Variants in ALAS1 observed in about 807,000 individuals in gnomAD.
The protein encoded by ALAS1 is 5'-aminolevulinate synthase 1, also known as 5-aminolevulinate synthase, non-specific, mitochondrial.
A neutral mutation model predicts 59.6 loss-of-function variants in ALAS1; 29 were observed. The ratio of observed to expected loss-of-function variants is 0.49; its 90% CI spans 0.36 to 0.66. The LOEUF (loss-of-function observed/expected upper bound fraction) is 0.66, where lower values mean the gene tolerates loss of function less well. Among genes scored for constraint, ALAS1 ranks in the 30% least tolerant of loss-of-function variants. ALAS1 has a pLI of 0.00. For synonymous variants in ALAS1, 299 were observed against 296.6 expected, an observed-to-expected ratio of 1.01 and a Z score of -0.08; for missense variants, 690 against 807.5, an observed-to-expected ratio of 0.85 and a Z score of 1.76.
At chr3:52,212,201 C>T (rs1462595596) in intron 10 of ALAS1, 57 bp from the exon 11 acceptor site, 5 of 1,526,334 alleles carry the variant, frequency 3.3e-6, no homozygotes, top group Non-Finnish European at 4.5e-6. Context: ...GTTAGGATCT[C>T]TGCTAAGAGG....
intron 9 of ALAS1, among the ~76,000 whole-genome samples, chr3:52,208,708 C>G (rs184740405): frequency 6.6e-6 from 1 of 152,194 alleles, no homozygotes; most frequent in African/African-American, 2.4e-5. Context: ...GGCTATGTCT[C>G]GTGGTAGATG....
chr3:52,208,473 A>G (rs1699339804), intron 9 of ALAS1, among the ~76,000 whole-genome samples: 1 of 152,200 alleles, frequency 6.6e-6, no homozygotes, highest in African/African-American at 2.4e-5. Flanking sequence ...ATTTATTGCT[A>G]TCTGAGCTCA....
intron 2 of ALAS1, 63 bp from the exon 3 acceptor site, chr3:52,199,147 T>C: frequency 1.3e-6 from 2 of 1,526,900 alleles, no homozygotes; most frequent in African/African-American, 2.7e-5. Flanking sequence ...GACACCTGAA[T>C]CCAGTGAGCT....
chr3:52,207,039 T>A (rs1368224752), intron 8 of ALAS1, among the ~76,000 whole-genome samples: 4 of 149,470 alleles, frequency 2.7e-5, no homozygotes, highest in Non-Finnish European at 5.9e-5. Context: ...AGTCTCCCTC[T>A]GTCACCCAGG....
At chr3:52,203,720 A>G (rs1699237076) in intron 4 of ALAS1, 143 bp from the exon 5 acceptor site, 1 of 837,628 alleles carries the variant, frequency 1.2e-6, no homozygotes, top group Non-Finnish European at 1.8e-6. Flanking sequence ...GATGCTTTGT[A>G]CACTCAGTTA....
intron 6 of ALAS1, among the ~76,000 whole-genome samples, chr3:52,205,255 C>T (rs745484474): frequency 2.0e-5 from 3 of 152,068 alleles, no homozygotes; most frequent in South Asian, 2.1e-4. Flanking sequence ...TGGAGAAATA[C>T]GAATCTAGCA....
chr3:52,211,417 G>C lies in ALAS1; in HGVS notation c.1465G>C (p.Val489Leu). ...PMLLAGALES[V>L]RILKSAEGRV... ...GCTGCTGGCTGGAGCCCTGGAGTCT[G>C]TGCGGATCCTGAAGAGCGCTGAGGG... The change falls in exon 10 of 12, where the codon GTG becomes CTG. Residue 489 changes from valine (V) to leucine (L), a missense_variant. By Grantham distance (32) the Val-to-Leu change is conservative. Transcript: ENST00000484952. 4 of 1,614,228 alleles carry C rather than the reference G, an allele frequency of 2.5e-6. No individual in the cohort carries two copies. Among genetic ancestry groups the C allele is most frequent in the South Asian group, 2.2e-5 (2 of 91,088 alleles).
chr3:52,209,079 C>T (rs1049086468), intron 9 of ALAS1, among the ~76,000 whole-genome samples: 1 of 152,186 alleles, frequency 6.6e-6, no homozygotes, highest in Non-Finnish European at 1.5e-5. Context: ...TTTTAAAAAG[C>T]GTCCTTCAGC....
intron 3 of ALAS1, among the ~76,000 whole-genome samples, chr3:52,202,069 G>T (rs146105422): frequency 7.6e-4 from 116 of 152,296 alleles, no homozygotes; most frequent in African/African-American, 2.7e-3. Context: ...TAAGCTTGTG[G>T]CTGAGTGCAG....
Position 52,206,611 on chromosome 3 carries a change from T to C in ALAS1, c.1025T>C (p.Met342Thr). The C allele has an allele frequency of 1.9e-6, 3 of 1,614,228 alleles. No individual in the cohort carries two copies. Among genetic ancestry groups the C allele is most frequent in the Non-Finnish European group, 2.5e-6 (3 of 1,180,040 alleles). ...TCTGATTCTGGGAACCATGCCTCCA[T>C]GATCCAAGGGATTCGAAACAGCCGA... Reference protein sequence around the residue: ...IYSDSGNHASMIQGIRNSRVP... With the variant: ...IYSDSGNHASTIQGIRNSRVP... Residue 342 changes from methionine to threonine, a missense_variant, in exon 8 of 12, where the codon ATG becomes ACG. By Grantham distance (81) the Met-to-Thr change is moderately conservative. Transcript: ENST00000484952.
At chr3:52,201,505 A>T (rs1699184707) in intron 3 of ALAS1, among the ~76,000 whole-genome samples, 1 of 152,144 alleles carries the variant, frequency 6.6e-6, no homozygotes, top group Non-Finnish European at 1.5e-5. Context: ...TAATTCCAGC[A>T]CTTTGGGAGG....
At position 52,202,514 on chromosome 3, in the gene ALAS1, A is replaced by G. The variant is rs1417995264; in HGVS notation, c.207A>G (p.Lys69=). ...KETPPASEKD[K]TAKAKVQQTP... is the part of the protein sequence containing the mutation. ...TTCCATTTCCTCCCTCAGAAGACAA[A>G]ACTGCTAAGGCCAAGGTCCAACAGA... Residue 69 remains lysine (K), a synonymous_variant, in exon 4 of 12, where the codon AAA becomes AAG. Coordinates refer to ENST00000484952, the MANE Select transcript of ALAS1 (RefSeq NM_000688.6). 5.0e-6 allele frequency: 8 copies of G among 1,609,590 alleles called. No homozygotes were observed. Among genetic ancestry groups the G allele is most frequent in the Non-Finnish European group, 6.8e-6 (8 of 1,176,206 alleles).
Position 52,211,578 on chromosome 3 carries a change from G to A in ALAS1, c.1599+27G>A, listed in dbSNP as rs374350421. On this transcript the variant is annotated intron_variant, in intron 10 of 11. Transcript: ENST00000484952. ...TAATGGCCTGTCTCTGATTGGACTT[G>A]CCGTGGGGTGTGCCTCTACACATGA... is the stretch of plus-strand genomic sequence containing the variant. 5.6e-6 allele frequency: 9 copies of A among 1,609,254 alleles called. No individual in the cohort carries two copies. The African/African-American group carries it at 1.2e-4, about 21-fold the overall frequency.
rs1699262365 is a variant in ALAS1 at position 52,204,895 on chromosome 3, A to G, written c.780A>G (p.Pro260=). 6.2e-7 allele frequency: 1 copy of G among 1,614,036 alleles called. No homozygotes were observed. Among genetic ancestry groups the G allele is most frequent in the Admixed American group, 1.7e-5 (1 of 60,012 alleles). The change falls in exon 6 of 12, where the codon CCA becomes CCG. Residue 260 remains proline (P), a synonymous_variant. Coordinates refer to ENST00000484952, the MANE Select transcript of ALAS1 (RefSeq NM_000688.6). ...SNDYLGMSRH[P]RVCGAVMDTL... ...ACTACCTAGGAATGAGTCGCCACCC[A>G]CGGGTGTGTGGGGCAGTTATGTAAG...
chr3:52,210,818 G>A (rs1699389237), intron 9 of ALAS1, among the ~76,000 whole-genome samples: 1 of 152,066 alleles, frequency 6.6e-6, no homozygotes, highest in Non-Finnish European at 1.5e-5. Flanking sequence ...TTATAGTCAT[G>A]CATTGCTTAA....
At position 52,211,457 on chromosome 3, in the gene ALAS1, G is replaced by A. The variant is rs780609581; in HGVS notation, c.1505G>A (p.Arg502His). Residue 502 changes from arginine to histidine, a missense_variant, in exon 10 of 12, where the codon CGC becomes CAC. Transcript: ENST00000484952. ...AGCGCTGAGGGACGGGTGCTTCGCCGCCAGCACCAGCGCAACGTCAAACTC... is the reference window on the plus strand; with the variant it reads ...AGCGCTGAGGGACGGGTGCTTCGCCACCAGCACCAGCGCAACGTCAAACTC... ...LKSAEGRVLR[R>H]QHQRNVKLMR... 14 of 1,614,062 alleles carry A rather than the reference G, an allele frequency of 8.7e-6. No homozygotes were observed. Among genetic ancestry groups the A allele is most frequent in the East Asian group, 4.5e-5 (2 of 44,902 alleles).
chr3:52,202,807 G>A (rs1167872226), intron 4 of ALAS1, 73 bp downstream of exon 4: 1 of 1,408,706 alleles, frequency 7.1e-7, no homozygotes, highest in Non-Finnish European at 9.9e-7. Flanking sequence ...TCAGATTTGT[G>A]TATGAGCTAT....
At chr3:52,212,186 C>T (rs749556861) in intron 10 of ALAS1, 72 bp from the exon 11 acceptor site, 122 of 1,413,880 alleles carry the variant, frequency 8.6e-5, no homozygotes, top group Middle Eastern at 2.5e-4. Flanking sequence ...GTGGGGACTG[C>T]GTTCGTTAGG....
chr3:52,202,253 G>A (rs1699200858), intron 3 of ALAS1, among the ~76,000 whole-genome samples: 1 of 152,160 alleles, frequency 6.6e-6, no homozygotes, highest in Admixed American at 6.5e-5. Context: ...GGGAGGCTGA[G>A]GCATGAGAAT....
Sources: allele counts gnomAD v4.1 joint callset (sites outside exome capture counted in the v4.1 genomes callset), GRCh38; gene constraint gnomAD v4.1.1; transcripts MANE v1.5; gene names NCBI Gene and HGNC (gene_info 2026-07-23, HGNC 2026-07-21).